ATG16L1: variants seen among roughly 807,000 people sequenced by gnomAD.
ATG16L1 encodes autophagy related 16 like 1.
Under a neutral mutation model 88.5 loss-of-function variants are expected in ATG16L1, and 37 were observed. The ratio of observed to expected loss-of-function variants is 0.42; its 90% CI spans 0.32 to 0.55. The LOEUF (loss-of-function observed/expected upper bound fraction) is 0.55. Ranked by LOEUF, ATG16L1 falls within the 20% of genes least tolerant of loss-of-function variation. The pLI, the probability that ATG16L1 is intolerant of heterozygous loss-of-function variation, is 0.13. For missense variants in ATG16L1, 554 were observed against 752.8 expected, an observed-to-expected ratio of 0.74 and a Z score of 3.09; for synonymous variants, 301 against 281.0, an observed-to-expected ratio of 1.07 and a Z score of -0.71.
chr2:233,262,111 C>T (rs537810659), intron 2 of ATG16L1, among the ~76,000 whole-genome samples: 1 of 152,322 alleles, frequency 6.6e-6, no homozygotes, highest in East Asian at 1.9e-4. Context: ...TACCTTCTAC[C>T]AGTTGCTCAG....
At position 233,290,337 on chromosome 2, in the gene ATG16L1, C is replaced by A. The variant is rs1379153582; in HGVS notation, c.1414C>A (p.Arg472Ser). Reference protein sequence around the residue: ...VMSGHFDKKIRFWDIRSESIV... With the variant: ...VMSGHFDKKISFWDIRSESIV... ...GAGTGGACATTTTGACAAGAAAATTCGTTTCTGGGACATTCGGTATGATAC... is the reference window on the plus strand; with the variant it reads ...GAGTGGACATTTTGACAAGAAAATTAGTTTCTGGGACATTCGGTATGATAC... The change falls in exon 14 of 18, where the codon CGT (arginine) becomes AGT (serine). Residue 472 changes from arginine to serine, a missense_variant. This residue lies in a region of ATG16L1 where 370 missense variants were observed against 509.7 expected (regional missense o/e 0.73). Coordinates refer to ENST00000392017, the MANE Select transcript of ATG16L1 (RefSeq NM_030803.7). The A allele has an allele frequency of 6.2e-7, 1 of 1,613,964 alleles. No individual in the cohort carries two copies. The highest frequency in any genetic ancestry group is 8.5e-7 in the Non-Finnish European group (1 of 1,179,966).
intron 5 of ATG16L1, among the ~76,000 whole-genome samples, chr2:233,266,799 TA>T (rs1162310699): frequency 6.6e-6 from 1 of 152,224 alleles, no homozygotes; most frequent in East Asian, 1.9e-4. Context: ...TTATTCGCTA[TA>T]AAAATGAATT....
rs1345745259 is a variant in ATG16L1, at chr2:233,294,772, A to C, written c.*422A>C. On this transcript the variant is annotated 3_prime_UTR_variant, in exon 18 of 18. Coordinates refer to ENST00000392017, the MANE Select transcript of ATG16L1 (RefSeq NM_030803.7). Reference sequence around the variant, plus strand: ...GTTCTGGCCTAACGCATGTCCCAACACCTTGGGTTCATTTGCCCGGTGAAC... The same window carrying C: ...GTTCTGGCCTAACGCATGTCCCAACCCCTTGGGTTCATTTGCCCGGTGAAC... The C allele has an allele frequency of 3.9e-5, 6 of 155,474 alleles. No individual in the cohort carries two copies. Among genetic ancestry groups the C allele is most frequent in the African/African-American group, 1.4e-4 (6 of 41,596 alleles). 9.6% of individuals were successfully genotyped at this position (155,474 alleles called of 1,614,324 possible).
chr2:233,267,798 CT>C, intron 5 of ATG16L1, among the ~76,000 whole-genome samples: 1 of 152,132 alleles, frequency 6.6e-6, no homozygotes, highest in South Asian at 2.1e-4. Flanking sequence ...GGAAGAGCCC[CT>C]GAGCAGTGCA....
chr2:233,275,164 C>T (rs944126203), intron 9 of ATG16L1, among the ~76,000 whole-genome samples: 1 of 152,298 alleles, frequency 6.6e-6, no homozygotes, highest in South Asian at 2.1e-4. Flanking sequence ...CTGTTGGTTT[C>T]ATGAATTATA....
intron 1 of ATG16L1, among the ~76,000 whole-genome samples, chr2:233,253,015 C>G (rs1323479796): frequency 6.6e-6 from 1 of 152,144 alleles, no homozygotes; most frequent in Non-Finnish European, 1.5e-5. Context: ...TAAAAAATTA[C>G]AAATCCCAAG....
intron 12 of ATG16L1, among the ~76,000 whole-genome samples, chr2:233,283,618 T>G (rs1018078795): frequency 6.6e-6 from 1 of 152,004 alleles, no homozygotes; most frequent in African/African-American, 2.4e-5. Context: ...TAGTGTGATC[T>G]CAGCTCACTG....
At chr2:233,278,270 T>C (rs1277605194) in intron 10 of ATG16L1, among the ~76,000 whole-genome samples, 1 of 152,226 alleles carries the variant, frequency 6.6e-6, no homozygotes, top group Non-Finnish European at 1.5e-5. Flanking sequence ...TGGAAGTTAA[T>C]GAAACCATCT....
At chr2:233,267,218 G>A (rs779430804) in intron 5 of ATG16L1, among the ~76,000 whole-genome samples, 12 of 152,070 alleles carry the variant, frequency 7.9e-5, no homozygotes, top group South Asian at 2.1e-4. Flanking sequence ...GTGTGGTAGC[G>A]GATGCCTGTA....
At chr2:233,279,466 C>T (rs1698581701) in intron 10 of ATG16L1, among the ~76,000 whole-genome samples, 1 of 152,202 alleles carries the variant, frequency 6.6e-6, no homozygotes, top group Admixed American at 6.5e-5. Context: ...ACAGAAATAG[C>T]AGAATGTGTG....
Position 233,273,782 on chromosome 2 carries a change from G to A in ATG16L1, c.851+5G>A. The A allele has an allele frequency of 1.2e-6, 2 of 1,613,744 alleles. No homozygotes were observed. Among genetic ancestry groups the A allele is most frequent in the Non-Finnish European group, 1.7e-6 (2 of 1,179,696 alleles). ...TTCTATCACTAATATCTTTGGGTAG[G>A]TTAGAAGACCTTTCCTTTTTAAATG... is the stretch of plus-strand genomic sequence containing the variant. On this transcript the variant is annotated splice_donor_5th_base_variant and intron_variant, in intron 8 of 17. Coordinates refer to ENST00000392017, the MANE Select transcript of ATG16L1 (RefSeq NM_030803.7).
chr2:233,270,131 T>C, intron 6 of ATG16L1, 64 bp downstream of exon 6: 1 of 1,489,214 alleles, frequency 6.7e-7, no homozygotes, highest in Non-Finnish European at 9.0e-7. Context: ...AAAGTTTTGT[T>C]TTTATTTTTT....
At chr2:233,276,916 T>C (rs761582264) in intron 9 of ATG16L1, among the ~76,000 whole-genome samples, 4 of 152,246 alleles carry the variant, frequency 2.6e-5, no homozygotes, top group Non-Finnish European at 5.9e-5. Context: ...TATCTAAGGC[T>C]TATGCATTAA....
chr2:233,256,965 G>A (rs1696828239), intron 2 of ATG16L1, among the ~76,000 whole-genome samples: 1 of 152,150 alleles, frequency 6.6e-6, no homozygotes. Context: ...GCTTCCGAAA[G>A]TGTTGGGATT....
At position 233,273,063 on chromosome 2, in the gene ATG16L1, AGGTTTG is replaced by A; in HGVS notation, c.794+14_794+19del. ...CAGCAGAGCAGCCACGTAAGTAGGC[AGGTTTG>A]GGCCAGGGAAAAGACAGCTTGAGGA... On this transcript the variant is annotated intron_variant, in intron 7 of 17. Coordinates refer to ENST00000392017, the MANE Select transcript of ATG16L1 (RefSeq NM_030803.7). 6.2e-7 allele frequency: 1 copy of A among 1,612,592 alleles called. No homozygotes were observed.
At chr2:233,288,493 G>C (rs982843254) in intron 12 of ATG16L1, among the ~76,000 whole-genome samples, 19 of 151,990 alleles carry the variant, frequency 1.3e-4, no homozygotes, top group African/African-American at 4.4e-4. Context: ...ATTTCCCCAG[G>C]CTGGTCTCAA....
chr2:233,260,095 C>G (rs1697103371), intron 2 of ATG16L1, among the ~76,000 whole-genome samples: 1 of 152,118 alleles, frequency 6.6e-6, no homozygotes, highest in Non-Finnish European at 1.5e-5. Flanking sequence ...TTTCCTTTCC[C>G]CTCCTTCCTG....
At chr2:233,279,053 T>C (rs1312433376) in intron 10 of ATG16L1, among the ~76,000 whole-genome samples, 1 of 152,118 alleles carries the variant, frequency 6.6e-6, no homozygotes, top group Admixed American at 6.6e-5. Flanking sequence ...TGGCATGCAC[T>C]TGCAGTCCCA....
At chr2:233,260,700 T>G (rs184451700) in intron 2 of ATG16L1, among the ~76,000 whole-genome samples, 105 of 152,314 alleles carry the variant, frequency 6.9e-4, no homozygotes, top group Admixed American at 4.6e-4. Context: ...CCTGCTTGCC[T>G]TAGTCTCTCC....
Sources: allele counts gnomAD v4.1 joint callset (sites outside exome capture counted in the v4.1 genomes callset), GRCh38; gene constraint gnomAD v4.1.1; regional missense constraint gnomAD v4.1.1; transcripts MANE v1.5; gene names NCBI Gene and HGNC (gene_info 2026-07-23, HGNC 2026-07-21).